Variants in AMPD3 observed in about 807,000 individuals in gnomAD.
AMPD3 encodes AMP deaminase 3.
Under a neutral mutation model 82.3 loss-of-function variants are expected in AMPD3, and 57 were observed. The observed-to-expected ratio is 0.69, with a 90% CI of 0.56 to 0.86. The LOEUF (loss-of-function observed/expected upper bound fraction) is 0.86. Ranked by LOEUF, AMPD3 falls within the 40% of genes least tolerant of loss-of-function variation. AMPD3 has a pLI of 0.00. For missense variants in AMPD3, 870 were observed against 1,003.8 expected, an observed-to-expected ratio of 0.87 and a Z score of 1.80; for synonymous variants, 381 against 394.7, an observed-to-expected ratio of 0.97 and a Z score of 0.41.
chr11:10,456,303 A>G lies in AMPD3; in HGVS notation c.-6+855A>G, dbSNP rs374046816. 252 of 1,603,336 alleles carry G rather than the reference A, an allele frequency of 1.6e-4. No homozygotes were observed. In the African/African-American group the frequency reaches 2.7e-3, roughly 17 times the overall value. On this transcript the variant is annotated intron_variant, in intron 1 of 14. Coordinates refer to ENST00000396553, the MANE Select transcript of AMPD3 (RefSeq NM_001025389.2). This position sits in a 1 kb window ranked among gnomAD's most constrained non-coding sequence, Gnocchi z 4.3. The stretch of plus-strand genomic sequence containing the variant: ...AGACAGGACCCAGCCAGCTGCACGC[A>G]CGCACTGACTCAGCTGAGCCTCCTG...
chr11:10,473,472 G>T, intron 2 of AMPD3: 1 of 985,308 alleles, frequency 1.0e-6, no homozygotes, highest in Non-Finnish European at 1.2e-6. Context: ...GTGGGGAAGG[G>T]AGGATGGAGA....
intron 6 of AMPD3, chr11:10,490,691 T>C: frequency 1.0e-6 from 1 of 979,714 alleles, no homozygotes; most frequent in Non-Finnish European, 1.2e-6. Context: ...CTCATGGGGG[T>C]AAGGACAGGC....
chr11:10,450,625 G>A (rs896089762), upstream of AMPD3: 6 of 996,816 alleles, frequency 6.0e-6, no homozygotes, highest in African/African-American at 1.0e-4. Context: ...GGGCCCCGCG[G>A]AGCCCAGGAG....
At position 10,505,985 on chromosome 11, in the gene AMPD3, G is replaced by T. The variant is rs1849706736; in HGVS notation, c.*101G>T. On this transcript the variant is annotated 3_prime_UTR_variant, in exon 15 of 15. Coordinates refer to ENST00000396553, the MANE Select transcript of AMPD3 (RefSeq NM_001025389.2). ...GAACTAGGACTTTCCTCTGTGAAGA[G>T]GATGCCTCTGAAGAAATTTTAAACT... 4 of 1,403,006 alleles carry T rather than the reference G, an allele frequency of 2.9e-6. No homozygotes were observed. The highest frequency in any genetic ancestry group is 2.3e-5 in the East Asian group (1 of 43,476). The allele number at this position is 1,403,006 out of a possible 1,614,324, so 86.9% of individuals were successfully genotyped here. A position where few individuals can be genotyped will look rare whatever the true frequency, so the allele number is the denominator to read the frequency against.
intron 1 of AMPD3, among the ~76,000 whole-genome samples, chr11:10,459,423 C>T (rs1848193236): frequency 6.6e-6 from 1 of 152,138 alleles, no homozygotes; most frequent in Non-Finnish European, 1.5e-5. Context: ...GCCTTAGAGA[C>T]CACTTAGTTC....
intron 2 of AMPD3, chr11:10,478,032 T>A: frequency 1.0e-6 from 1 of 985,454 alleles, no homozygotes; most frequent in Non-Finnish European, 1.2e-6. Flanking sequence ...CCCAAATGTC[T>A]AACTGTGTGA....
In AMPD3 at chr11:10,495,876, G is replaced by A; in HGVS notation, c.1430+143G>A. The A allele has an allele frequency of 3.9e-6, 4 of 1,036,046 alleles. 1 individual carries two copies. The South Asian group carries it at 5.4e-5, about 14-fold the overall frequency. 64.2% of individuals were successfully genotyped at this position (1,036,046 alleles called of 1,614,324 possible). ...TGTCCTTTCCAGGGATTTTTCCATA[G>A]AAGGAGTGATGAAAAAGATGTCTGC... On this transcript the variant is annotated intron_variant, in intron 9 of 14. Transcript: ENST00000396553.
At chr11:10,500,353 C>T in intron 11 of AMPD3, 104 bp downstream of exon 11, 1 of 1,446,886 alleles carries the variant, frequency 6.9e-7, no homozygotes, top group South Asian at 1.2e-5. Flanking sequence ...TGTCCGTGTG[C>T]ACCTGAACCA....
At chr11:10,472,046 A>G (rs1292021656) in intron 2 of AMPD3, among the ~76,000 whole-genome samples, 1 of 152,244 alleles carries the variant, frequency 6.6e-6, no homozygotes, top group Non-Finnish European at 1.5e-5. Flanking sequence ...AACCCACCCA[A>G]ATGTCCATCA....
chr11:10,473,590 G>A (rs1358528598), intron 2 of AMPD3: 4 of 985,264 alleles, frequency 4.1e-6, no homozygotes, highest in Non-Finnish European at 4.8e-6. Context: ...ACACCCACCT[G>A]GCCAGGATGC....
intron 2 of AMPD3, among the ~76,000 whole-genome samples, chr11:10,463,357 G>A (rs1041976710): frequency 2.0e-5 from 3 of 152,200 alleles, no homozygotes; most frequent in Admixed American, 1.3e-4. Flanking sequence ...AGTCACTGGT[G>A]CCATTGGTTA....
At chr11:10,500,882 C>T in intron 11 of AMPD3, 1 of 985,462 alleles carries the variant, frequency 1.0e-6, no homozygotes, top group Non-Finnish European at 1.2e-6. Context: ...AGTCTTGCAT[C>T]CCACTTTCCC....
At chr11:10,495,533 G>A (rs2133924943) in intron 8 of AMPD3, 37 bp from the exon 9 acceptor site, 5 of 1,612,216 alleles carry the variant, frequency 3.1e-6, no homozygotes, top group Non-Finnish European at 3.4e-6. Flanking sequence ...ATGTAGCTGG[G>A]ATGCACTGGG....
At position 10,504,659 on chromosome 11, in the gene AMPD3, G is replaced by A. The variant is rs528864803; in HGVS notation, c.2127G>A (p.Gln709=). 6.2e-7 allele frequency: 1 copy of A among 1,613,908 alleles called. No individual in the cohort carries two copies. Among genetic ancestry groups the A allele is most frequent in the African/African-American group, 1.3e-5 (1 of 75,066 alleles). ...NSVLQSGLSH[Q]EKQKFLGQNY... ...TGCTGCAGAGCGGCCTCTCGCATCA[G>A]GTATGGAGTGTGACGGTGCTGCCTG... Residue 709 remains glutamine, a splice_region_variant and synonymous_variant, in exon 14 of 15, where the codon CAG becomes CAA. Transcript: ENST00000396553.
intron 9 of AMPD3, 134 bp from the exon 10 acceptor site, chr11:10,496,678 T>C (rs1019775556): frequency 6.6e-7 from 1 of 1,510,772 alleles, no homozygotes; most frequent in Non-Finnish European, 9.0e-7. Flanking sequence ...GGGATCTGTT[T>C]TCTGGTCCCA....
chr11:10,501,843 T>C lies in AMPD3; in HGVS notation c.1842+253T>C, dbSNP rs1355511520. 4.1e-6 allele frequency: 4 copies of C among 981,926 alleles called. No individual in the cohort carries two copies. In the African/African-American group the frequency reaches 7.0e-5, roughly 17 times the overall value. 60.8% of individuals were successfully genotyped at this position (981,926 alleles called of 1,614,324 possible). ...AATAGAAATAGCCATTATTAGCTTT[T>C]TAGTATATCTAATTTCCATCTTTTA... is the stretch of plus-strand genomic sequence containing the variant. On this transcript the variant is annotated intron_variant, in intron 12 of 14. Coordinates refer to ENST00000396553, the MANE Select transcript of AMPD3 (RefSeq NM_001025389.2).
rs73409951 is a variant in AMPD3 at position 10,478,509 on chromosome 11, T to G, written c.222-17T>G. ...AGCTTCTGATGTCTCCCACTTTTCC[T>G]TGTCCTTGGCTCTTAGAAAGAAAAG... On this transcript the variant is annotated splice_polypyrimidine_tract_variant and intron_variant, in intron 2 of 14. Transcript: ENST00000396553. 2 of 1,613,892 alleles carry G rather than the reference T, an allele frequency of 1.2e-6. No homozygotes were observed. Among genetic ancestry groups the G allele is most frequent in the Non-Finnish European group, 1.7e-6 (2 of 1,179,962 alleles).
chr11:10,460,976 A>C (rs1157484055), intron 1 of AMPD3: 1 of 985,316 alleles, frequency 1.0e-6, no homozygotes, highest in African/African-American at 1.7e-5. Flanking sequence ...GAACTGCAAT[A>C]GCAGATTCTT....
At chr11:10,473,699 C>A in intron 2 of AMPD3, 1 of 740,226 alleles carries the variant, frequency 1.4e-6, no homozygotes, top group South Asian at 6.1e-5. Context: ...GCATATTTCT[C>A]CAGATAGGCT....
Sources: allele counts gnomAD v4.1 joint callset (sites outside exome capture counted in the v4.1 genomes callset), GRCh38; gene constraint gnomAD v4.1.1; non-coding constraint Gnocchi (gnomAD v3.1); transcripts MANE v1.5; gene names NCBI Gene and HGNC (gene_info 2026-07-23, HGNC 2026-07-21).